DEPTOR: variants seen among roughly 807,000 people sequenced by gnomAD.
DEPTOR encodes the protein DEP domain-containing mTOR-interacting protein.
Under a neutral mutation model 41.6 loss-of-function variants are expected in DEPTOR, and 41 were observed. The ratio of observed to expected loss-of-function variants is 0.98; its 90% CI spans 0.77 to 1.28. DEPTOR has a LOEUF of 1.28. Among genes scored for constraint, DEPTOR ranks in the 50% most tolerant of loss-of-function variants. The probability of loss-of-function intolerance (pLI) is 0.00; values close to 1 mark genes in which losing one functional copy is unlikely to be tolerated. For synonymous variants in DEPTOR, 195 were observed against 192.3 expected, an observed-to-expected ratio of 1.01 and a Z score of -0.12; for missense variants, 514 against 527.9, an observed-to-expected ratio of 0.97 and a Z score of 0.26.
chr8:120,009,153 A>C lies in DEPTOR; in HGVS notation c.1101+20A>C. The C allele has an allele frequency of 8.1e-6, 13 of 1,602,852 alleles. No individual in the cohort carries two copies. The highest frequency in any genetic ancestry group is 1.0e-5 in the Non-Finnish European group (12 of 1,172,218). On this transcript the variant is annotated intron_variant, in intron 8 of 8. Coordinates refer to ENST00000286234, the MANE Select transcript of DEPTOR (RefSeq NM_022783.4). ...ATGAAGGTACTAACGGGTCTTTCTC[A>C]CCCTCTTTTATATCTGTCTTGGGTT...
intron 1 of DEPTOR, among the ~76,000 whole-genome samples, chr8:119,906,313 G>T (rs1441665669): frequency 5.0e-5 from 7 of 141,296 alleles, no homozygotes; most frequent in African/African-American, 1.8e-4. Context: ...AAAAAAAGCC[G>T]GGTATGGTGG....
At chr8:119,898,212 T>C (rs966242811) in intron 1 of DEPTOR, among the ~76,000 whole-genome samples, 18 of 152,174 alleles carry the variant, frequency 1.2e-4, no homozygotes, top group African/African-American at 3.9e-4. Flanking sequence ...ATTTGCTATC[T>C]GGCCCTTCAT....
chr8:119,991,021 C>T (rs1486725038), intron 4 of DEPTOR, among the ~76,000 whole-genome samples: 12 of 80,622 alleles, frequency 1.5e-4, no homozygotes, highest in Middle Eastern at 7.2e-3. Flanking sequence ...AAGTACAGCT[C>T]GGGTTTTCTT....
chr8:119,888,013 A>T (rs76658037), intron 1 of DEPTOR, among the ~76,000 whole-genome samples: 3 of 151,944 alleles, frequency 2.0e-5, no homozygotes, highest in African/African-American at 7.3e-5. Context: ...TAGAGTCGAC[A>T]TCTCACTGTA....
intron 3 of DEPTOR, among the ~76,000 whole-genome samples, chr8:119,934,763 C>G (rs771597639): frequency 1.3e-5 from 2 of 152,210 alleles, no homozygotes; most frequent in Non-Finnish European, 2.9e-5. Context: ...TAGCAGATAA[C>G]AGCCCAGGAG....
At chr8:119,890,767 G>A (rs144500186) in intron 1 of DEPTOR, among the ~76,000 whole-genome samples, 5 of 152,088 alleles carry the variant, frequency 3.3e-5, no homozygotes, top group Non-Finnish European at 5.9e-5. Flanking sequence ...CAAGGCATGA[G>A]CAACTTGCCA....
chr8:119,887,212 C>T (rs1255075250), intron 1 of DEPTOR, among the ~76,000 whole-genome samples: 3 of 130,978 alleles, frequency 2.3e-5, no homozygotes, highest in African/African-American at 5.7e-5. Flanking sequence ...CTCACTCTGT[C>T]GCCTGGGCTG....
chr8:120,027,945 C>T (rs942306643), intron 8 of DEPTOR, among the ~76,000 whole-genome samples: 20 of 151,952 alleles, frequency 1.3e-4, no homozygotes, highest in Admixed American at 6.6e-5. Flanking sequence ...GACATCAGCA[C>T]GGTTTGGAAA....
At chr8:120,037,721 C>G (rs1812999941) in intron 8 of DEPTOR, among the ~76,000 whole-genome samples, 1 of 152,126 alleles carries the variant, frequency 6.6e-6, no homozygotes, top group Non-Finnish European at 1.5e-5. Flanking sequence ...TTGTAATAAA[C>G]ATGGTTATTT....
At chr8:119,874,082 G>A in intron 1 of DEPTOR, 114 bp downstream of exon 1, 1 of 1,546,066 alleles carries the variant, frequency 6.5e-7, no homozygotes, top group Non-Finnish European at 8.7e-7. Flanking sequence ...GTGGGGCGCC[G>A]GAACGGCTGC....
At chr8:119,927,603 A>C (rs866247972) in intron 1 of DEPTOR, among the ~76,000 whole-genome samples, 91 of 146,754 alleles carry the variant, frequency 6.2e-4, no homozygotes, top group African/African-American at 2.2e-3. Context: ...TATATATATA[A>C]ATATATATAT....
At chr8:120,041,335 T>C (rs1033644902) in intron 8 of DEPTOR, among the ~76,000 whole-genome samples, 3 of 152,170 alleles carry the variant, frequency 2.0e-5, no homozygotes, top group Non-Finnish European at 2.9e-5. Flanking sequence ...ACTCAGTCTA[T>C]CCAGAGGATT....
At chr8:119,991,094 TTCTTTCTTTC>T (rs1563584707) in intron 4 of DEPTOR, among the ~76,000 whole-genome samples, 76 of 120,728 alleles carry the variant, frequency 6.3e-4, no homozygotes, top group African/African-American at 2.4e-3. Flanking sequence ...TTCTTTTTCT[TTCTTTCTTTC>T]TTTCTTTCTT....
rs16893420 is a variant in DEPTOR, at chr8:120,009,223, A to G, written c.1101+90A>G. On this transcript the variant is annotated intron_variant, in intron 8 of 8. Coordinates refer to ENST00000286234, the MANE Select transcript of DEPTOR (RefSeq NM_022783.4). ...TGATTCTTACTAGGGATCCAAACCCATCTTATTTTGTGTCCTTTTCTATTT... is the reference window on the plus strand; with the variant it reads ...TGATTCTTACTAGGGATCCAAACCCGTCTTATTTTGTGTCCTTTTCTATTT... The G allele has an allele frequency of 3.2e-3, 3,662 of 1,136,250 alleles. 90 individuals are homozygous for G. The African/African-American group carries it at 0.048, about 15-fold the overall frequency. The allele number at this position is 1,136,250 out of a possible 1,614,324, so 70.4% of individuals were successfully genotyped here.
chr8:119,916,455 T>C (rs1406414964), intron 1 of DEPTOR, among the ~76,000 whole-genome samples: 1 of 152,032 alleles, frequency 6.6e-6, no homozygotes, highest in Non-Finnish European at 1.5e-5. Flanking sequence ...TCTGATAGTG[T>C]ATTATGGTGC....
chr8:119,888,999 A>G (rs1282672920), intron 1 of DEPTOR, among the ~76,000 whole-genome samples: 3 of 152,154 alleles, frequency 2.0e-5, no homozygotes, highest in East Asian at 3.8e-4. Context: ...GCAAAAGCAC[A>G]TATTATGGAA....
chr8:119,954,642 C>G (rs990510944), intron 3 of DEPTOR, among the ~76,000 whole-genome samples: 3 of 151,972 alleles, frequency 2.0e-5, no homozygotes, highest in Non-Finnish European at 2.9e-5. Flanking sequence ...ATTTTTTTTC[C>G]CAGTGTACAA....
intron 4 of DEPTOR, among the ~76,000 whole-genome samples, chr8:119,998,959 A>AAAG (rs1554584321): frequency 6.6e-6 from 1 of 151,532 alleles, no homozygotes; most frequent in East Asian, 1.9e-4. Context: ...AAAAAAAAAA[A>AAAG]AAGAAGAAGA....
At chr8:119,904,495 A>G (rs1317823910) in intron 1 of DEPTOR, among the ~76,000 whole-genome samples, 1 of 151,768 alleles carries the variant, frequency 6.6e-6, no homozygotes, top group African/African-American at 2.4e-5. Flanking sequence ...CTTTATTTTT[A>G]TATTTATTTA....
Sources: allele counts gnomAD v4.1 joint callset (sites outside exome capture counted in the v4.1 genomes callset), GRCh38; gene constraint gnomAD v4.1.1; transcripts MANE v1.5; gene names NCBI Gene and HGNC (gene_info 2026-07-23, HGNC 2026-07-21).